The following TPD52L1 variants were observed in gnomAD, a reference collection of about 807,000 sequenced individuals.
TPD52L1 encodes TPD52 like 1.
In TPD52L1, 18 loss-of-function variants were observed where a neutral mutation model predicts 28.7. The observed-to-expected ratio is 0.63, with a 90% confidence interval of 0.43 to 0.93. The LOEUF (loss-of-function observed/expected upper bound fraction) is 0.93, where lower values mean the gene tolerates loss of function less well. Ranked by LOEUF, TPD52L1 falls within the 40% of genes least tolerant of loss-of-function variation. TPD52L1 has a pLI of 0.00. For missense variants in TPD52L1, 203 were observed against 254.8 expected, an observed-to-expected ratio of 0.80 and a Z score of 1.39; for synonymous variants, 75 against 88.8, an observed-to-expected ratio of 0.84 and a Z score of 0.88.
intron 3 of TPD52L1, among the ~76,000 whole-genome samples, chr6:125,239,145 T>A (rs978701722): frequency 1.3e-5 from 2 of 152,232 alleles, no homozygotes; most frequent in Non-Finnish European, 2.9e-5. Context: ...CTATTTTTTT[T>A]AATTTTTAAA....
chr6:125,163,965 A>G (rs1790709732), intron 1 of TPD52L1, among the ~76,000 whole-genome samples: 1 of 152,004 alleles, frequency 6.6e-6, no homozygotes, highest in Non-Finnish European at 1.5e-5. Context: ...AATAATAACA[A>G]ACTCACAAGG....
At chr6:125,216,235 G>T (rs890478684) in intron 1 of TPD52L1, among the ~76,000 whole-genome samples, 1 of 152,010 alleles carries the variant, frequency 6.6e-6, no homozygotes, top group Admixed American at 6.6e-5. Context: ...GCATAAAACT[G>T]GTACAGCCTC....
At chr6:125,207,534 T>C (rs1794229903) in intron 1 of TPD52L1, among the ~76,000 whole-genome samples, 1 of 152,206 alleles carries the variant, frequency 6.6e-6, no homozygotes, top group Non-Finnish European at 1.5e-5. Context: ...GTGAAAAACG[T>C]TGGAAGACAG....
At chr6:125,247,769 T>C (rs577721530) in intron 3 of TPD52L1, among the ~76,000 whole-genome samples, 1 of 152,358 alleles carries the variant, frequency 6.6e-6, no homozygotes, top group Admixed American at 6.5e-5. Flanking sequence ...CTTCAGATAA[T>C]GTGCTTTTAT....
At chr6:125,217,709 C>A (rs146754727) in intron 1 of TPD52L1, among the ~76,000 whole-genome samples, 1 of 152,266 alleles carries the variant, frequency 6.6e-6, no homozygotes, top group African/African-American at 2.4e-5. Context: ...TCCTCCATTC[C>A]TTTCTCCTTT....
intron 1 of TPD52L1, among the ~76,000 whole-genome samples, chr6:125,211,261 GTCTA>G (rs58864276): frequency 0.12 from 17,361 of 148,862 alleles, 1,252 homozygotes; most frequent in African/African-American, 0.2. Context: ...ATATGGATCT[GTCTA>G]TCTATCTATC....
At chr6:125,186,276 G>T (rs938474230) in intron 1 of TPD52L1, among the ~76,000 whole-genome samples, 1 of 152,042 alleles carries the variant, frequency 6.6e-6, no homozygotes, top group Non-Finnish European at 1.5e-5. Flanking sequence ...GGATCATACC[G>T]CCTCTGTCAC....
intron 3 of TPD52L1, among the ~76,000 whole-genome samples, chr6:125,236,410 C>A (rs1248417986): frequency 1.3e-5 from 2 of 152,172 alleles, no homozygotes; most frequent in African/African-American, 2.4e-5. Flanking sequence ...ATGTAGCTAT[C>A]ACCTATTTTC....
chr6:125,229,855 G>A (rs1015910508), intron 3 of TPD52L1, among the ~76,000 whole-genome samples: 4 of 152,174 alleles, frequency 2.6e-5, no homozygotes, highest in African/African-American at 7.2e-5. Flanking sequence ...GGGAAGCTGA[G>A]GCGGGTGGAT....
chr6:125,223,783 A>G (rs898305831), intron 2 of TPD52L1, among the ~76,000 whole-genome samples: 2 of 151,696 alleles, frequency 1.3e-5, no homozygotes, highest in Non-Finnish European at 2.9e-5. Context: ...TGGTCATGCA[A>G]TATGTATCTT....
chr6:125,239,014 G>A (rs1796455953), intron 3 of TPD52L1, among the ~76,000 whole-genome samples: 1 of 152,170 alleles, frequency 6.6e-6, no homozygotes, highest in African/African-American at 2.4e-5. Flanking sequence ...TTGCTGGATT[G>A]AATAGTAGTT....
intron 1 of TPD52L1, among the ~76,000 whole-genome samples, chr6:125,202,605 C>G (rs1793864503): frequency 6.6e-6 from 1 of 150,716 alleles, no homozygotes; most frequent in Non-Finnish European, 1.5e-5. Flanking sequence ...GAAGAGATTA[C>G]TTCTCATTTT....
chr6:125,241,763 G>A (rs1450393429), intron 3 of TPD52L1, among the ~76,000 whole-genome samples: 1 of 150,940 alleles, frequency 6.6e-6, no homozygotes, highest in Non-Finnish European at 1.5e-5. Flanking sequence ...TTATCTTTTT[G>A]AAGAATCAGC....
chr6:125,190,411 G>A (rs1792954988), intron 1 of TPD52L1, among the ~76,000 whole-genome samples: 1 of 152,092 alleles, frequency 6.6e-6, no homozygotes, highest in Non-Finnish European at 1.5e-5. Context: ...TCAGAGCCAT[G>A]AAGACTGTCC....
At chr6:125,226,379 T>G (rs1795610219) in intron 2 of TPD52L1, among the ~76,000 whole-genome samples, 1 of 152,068 alleles carries the variant, frequency 6.6e-6, no homozygotes, top group Non-Finnish European at 1.5e-5. Flanking sequence ...TTTTGTTAAA[T>G]TGGTCACTTT....
chr6:125,192,750 G>C (rs1014298014), intron 1 of TPD52L1, among the ~76,000 whole-genome samples: 2 of 152,222 alleles, frequency 1.3e-5, no homozygotes, highest in African/African-American at 4.8e-5. Context: ...CTTTGGTGGC[G>C]GGCCTGAGTC....
At chr6:125,180,631 T>C (rs955896668) in intron 1 of TPD52L1, among the ~76,000 whole-genome samples, 2 of 151,872 alleles carry the variant, frequency 1.3e-5, no homozygotes. Context: ...TATTTAGCCT[T>C]TTCTTGATAG....
intron 2 of TPD52L1, among the ~76,000 whole-genome samples, chr6:125,220,848 A>G (rs981155649): frequency 6.6e-6 from 1 of 152,174 alleles, no homozygotes; most frequent in African/African-American, 2.4e-5. Context: ...CACTTTGCTG[A>G]CAAGCCTTTA....
chr6:125,172,232 TTTCC>T (rs148007811), intron 1 of TPD52L1, among the ~76,000 whole-genome samples: 6,844 of 140,596 alleles, frequency 0.049, 270 homozygotes, highest in African/African-American at 0.097. Flanking sequence ...TTCCTTCCTC[TTTCC>T]TTCCTTTCTT....
Sources: allele counts gnomAD v4.1 joint callset (sites outside exome capture counted in the v4.1 genomes callset), GRCh38; gene constraint gnomAD v4.1.1; transcripts MANE v1.5; gene names NCBI Gene and HGNC (gene_info 2026-07-23, HGNC 2026-07-21).